The following NYAP2 variants were observed in gnomAD, a reference collection of about 807,000 sequenced individuals.
NYAP2 encodes neuronal tyrosine-phosphorylated phosphoinositide-3-kinase adaptor 2.
Under a neutral mutation model 50.4 loss-of-function variants are expected in NYAP2, and 23 were observed. The ratio of observed to expected loss-of-function variants is 0.46; its 90% CI spans 0.33 to 0.65. The LOEUF (loss-of-function observed/expected upper bound fraction) is 0.65. NYAP2 is among the 30% of genes least tolerant of loss of function. The probability of loss-of-function intolerance (pLI) is 0.02; values close to 1 mark genes in which losing one functional copy is unlikely to be tolerated. For missense variants in NYAP2, 885 were observed against 861.0 expected, an observed-to-expected ratio of 1.03 and a Z score of -0.35; for synonymous variants, 394 against 365.2, an observed-to-expected ratio of 1.08 and a Z score of -0.90.
At chr2:225,534,810 A>G (rs998729433) in intron 4 of NYAP2, among the ~76,000 whole-genome samples, 1 of 152,202 alleles carries the variant, frequency 6.6e-6, no homozygotes, top group African/African-American at 2.4e-5. Context: ...ACAAGAATAG[A>G]AGATACAAGG....
chr2:225,652,796 A>T (rs1247549670), exon 7 of NYAP2: 1 of 152,222 alleles, frequency 6.6e-6, no homozygotes, highest in East Asian at 1.9e-4. Flanking sequence ...AACATAACTA[A>T]GTAGAATAAT....
intron 3 of NYAP2, among the ~76,000 whole-genome samples, chr2:225,440,453 A>G (rs532412477): frequency 2.8e-4 from 43 of 152,348 alleles, no homozygotes; most frequent in South Asian, 1.7e-3. Context: ...ACAAAAAGCA[A>G]AACAAAACAA....
chr2:225,454,647 C>G lies in NYAP2; in HGVS notation c.221+45546C>G, dbSNP rs556263015. ...CCGCCTCCTGTCAGATCAGTGGCAG[C>G]GTTAGGTTCTCATAGGAGCATGAAC... On this transcript the variant is annotated intron_variant, in intron 3 of 6. Transcript: ENST00000636099. Among the ~76,000 whole-genome samples, 3 of 152,174 alleles carry G rather than the reference C, an allele frequency of 2.0e-5. 1 individual carries two copies. The highest frequency in any genetic ancestry group is 7.2e-5 in the African/African-American group (3 of 41,520).
At chr2:225,634,079 AAG>A (rs1305530904) in intron 6 of NYAP2, among the ~76,000 whole-genome samples, 1 of 152,186 alleles carries the variant, frequency 6.6e-6, no homozygotes, top group Non-Finnish European at 1.5e-5. Context: ...CAACACTGGT[AAG>A]AGAGAGACAT....
chr2:225,635,771 G>A (rs1408180872), intron 6 of NYAP2, among the ~76,000 whole-genome samples: 2 of 152,254 alleles, frequency 1.3e-5, no homozygotes, highest in East Asian at 3.9e-4. Flanking sequence ...TGAGGGGCAG[G>A]TCTTAAGACT....
At chr2:225,470,165 T>C (rs1180507928) in intron 3 of NYAP2, among the ~76,000 whole-genome samples, 1 of 152,136 alleles carries the variant, frequency 6.6e-6, no homozygotes, top group Non-Finnish European at 1.5e-5. Flanking sequence ...CACCACACAG[T>C]GAAAAAATGG....
chr2:225,460,992 CAAAAAAAA>C (rs869283101), intron 3 of NYAP2, among the ~76,000 whole-genome samples: 3 of 43,066 alleles, frequency 7.0e-5, no homozygotes, highest in African/African-American at 1.2e-4. Context: ...GACTCTGTCT[CAAAAAAAA>C]AAAAAAAAAA....
intron 4 of NYAP2, among the ~76,000 whole-genome samples, chr2:225,548,767 A>G (rs7586576): frequency 6.6e-6 from 1 of 152,026 alleles, no homozygotes; most frequent in African/African-American, 2.4e-5. Flanking sequence ...TTCAAACCTA[A>G]TAACTTTTCA....
intron 4 of NYAP2, among the ~76,000 whole-genome samples, chr2:225,574,376 C>G (rs538249936): frequency 6.6e-6 from 1 of 152,252 alleles, no homozygotes; most frequent in South Asian, 2.1e-4. Flanking sequence ...CCAGTTCTCC[C>G]TACTCTGAGG....
chr2:225,486,897 T>G (rs1690310013), intron 3 of NYAP2, among the ~76,000 whole-genome samples: 1 of 152,176 alleles, frequency 6.6e-6, no homozygotes, highest in Non-Finnish European at 1.5e-5. Flanking sequence ...TTTAAACATT[T>G]TAAATGGGAA....
intron 3 of NYAP2, among the ~76,000 whole-genome samples, chr2:225,438,366 A>G (rs576720981): frequency 2.6e-5 from 4 of 152,264 alleles, no homozygotes; most frequent in Non-Finnish European, 5.9e-5. Flanking sequence ...CAAGTGCTTT[A>G]GCTTTATCAA....
the NYAP2 span, among the ~76,000 whole-genome samples, chr2:225,677,485 T>A: frequency 1.3e-5 from 2 of 151,682 alleles, no homozygotes; most frequent in African/African-American, 4.9e-5. Context: ...CTGTTCTGCT[T>A]CCAGTCCTCA....
chr2:225,512,920 T>C (rs1189628963), intron 3 of NYAP2, among the ~76,000 whole-genome samples: 2 of 150,840 alleles, frequency 1.3e-5, no homozygotes, highest in Non-Finnish European at 2.9e-5. Context: ...TCTTTTTCTT[T>C]CTTTCTTTCG....
intron 6 of NYAP2, among the ~76,000 whole-genome samples, chr2:225,646,161 A>G (rs1313514615): frequency 6.6e-6 from 1 of 152,222 alleles, no homozygotes; most frequent in Non-Finnish European, 1.5e-5. Context: ...TCTCAGAAAC[A>G]CCATAGGAAA....
At chr2:225,680,588 A>G in the NYAP2 span, among the ~76,000 whole-genome samples, 37 of 152,194 alleles carry the variant, frequency 2.4e-4, no homozygotes, top group Admixed American at 2.2e-3. Context: ...AGGATATGAT[A>G]TATTTCATTG....
intron 5 of NYAP2, among the ~76,000 whole-genome samples, chr2:225,622,559 T>TTCTTTCTTTCTTTCTTTCTTTC (rs767090288): frequency 1.8e-5 from 1 of 56,842 alleles, no homozygotes; most frequent in Admixed American, 2.4e-4. Context: ...CTTTCTTTCT[T>TTCTTTCTTTCTTTCTTTCTTTC]TTTCTTTCTT....
chr2:225,486,234 T>A (rs1690296625), intron 3 of NYAP2, among the ~76,000 whole-genome samples: 1 of 152,186 alleles, frequency 6.6e-6, no homozygotes, highest in Admixed American at 6.5e-5. Flanking sequence ...GCTTGGCTGC[T>A]CTGCTTGGAA....
chr2:225,448,310 C>T (rs1383435549), intron 3 of NYAP2, among the ~76,000 whole-genome samples: 2 of 152,136 alleles, frequency 1.3e-5, no homozygotes, highest in Non-Finnish European at 2.9e-5. Context: ...TGTGACATGG[C>T]TGTGATTGTG....
chr2:225,530,782 A>G (rs576863899), intron 4 of NYAP2, among the ~76,000 whole-genome samples: 67 of 152,212 alleles, frequency 4.4e-4, no homozygotes, highest in Admixed American at 9.2e-4. Flanking sequence ...CGTTTCCTCC[A>G]TGGTTTTTTA....
Sources: gnomAD v4.1 joint callset for allele counts (sites outside exome capture counted in the v4.1 genomes callset) on GRCh38, gnomAD v4.1.1 for gene constraint, MANE v1.5 for transcripts, NCBI Gene and HGNC (gene_info 2026-07-23, HGNC 2026-07-21) for gene names.